Variants in DLGAP2 observed in about 807,000 individuals in gnomAD.
The protein encoded by DLGAP2 is DLG associated protein 2, also known as disks large-associated protein 2.
In DLGAP2, 26 loss-of-function variants were observed where a neutral mutation model predicts 100.3. The ratio of observed to expected loss-of-function variants is 0.26; its 90% CI spans 0.19 to 0.36. The LOEUF is 0.36. Among genes scored for constraint, DLGAP2 ranks in the 10% least tolerant of loss-of-function variants. The pLI, the probability that DLGAP2 is intolerant of heterozygous loss-of-function variation, is 1.00. For missense variants in DLGAP2, 1,858 were observed against 1,453.2 expected, an observed-to-expected ratio of 1.28 and a Z score of -4.53; for synonymous variants, 886 against 630.1, an observed-to-expected ratio of 1.41 and a Z score of -6.08.
chr8:738,264 C>G (rs1052549220), intron 1 of DLGAP2, among the ~76,000 whole-genome samples: 1 of 151,482 alleles, frequency 6.6e-6, no homozygotes, highest in Non-Finnish European at 1.5e-5. Flanking sequence ...CCCCTCCCCC[C>G]AAGCCCGGGT....
chr8:1,155,717 TC>T (rs1275174726), intron 2 of DLGAP2, among the ~76,000 whole-genome samples: 1 of 151,478 alleles, frequency 6.6e-6, no homozygotes, highest in African/African-American at 2.4e-5. Flanking sequence ...GCTTCTCACT[TC>T]CCCGTCCGCG....
intron 2 of DLGAP2, among the ~76,000 whole-genome samples, chr8:1,024,545 G>A (rs190478870): frequency 3.9e-5 from 6 of 152,272 alleles, no homozygotes; most frequent in African/African-American, 9.6e-5. Context: ...GCTTGGGGGC[G>A]GCTCTTCCCC....
chr8:1,363,059 C>G (rs1014286976), intron 3 of DLGAP2, among the ~76,000 whole-genome samples: 1 of 152,150 alleles, frequency 6.6e-6, no homozygotes, highest in Non-Finnish European at 1.5e-5. Flanking sequence ...AAAGAGAAGC[C>G]AAAAATCTGG....
chr8:1,018,725 T>G (rs1801543456), intron 2 of DLGAP2: 1 of 152,248 alleles, frequency 6.6e-6, no homozygotes, highest in African/African-American at 2.4e-5. Flanking sequence ...CCTTATCAAC[T>G]GGAAATATTT....
chr8:1,493,380 C>T (rs890229111), intron 3 of DLGAP2, among the ~76,000 whole-genome samples: 7 of 152,118 alleles, frequency 4.6e-5, no homozygotes, highest in Non-Finnish European at 8.8e-5. Context: ...CTCCGCAGCT[C>T]TGAGACGTGC....
At chr8:1,534,788 G>T (rs1801100653) in intron 4 of DLGAP2, among the ~76,000 whole-genome samples, 1 of 112,324 alleles carries the variant, frequency 8.9e-6, no homozygotes, top group Admixed American at 8.9e-5. Flanking sequence ...GTGTACGTGT[G>T]TGAGTGTAAG....
intron 3 of DLGAP2, among the ~76,000 whole-genome samples, chr8:1,453,333 C>T (rs887499186): frequency 1.3e-5 from 2 of 152,202 alleles, no homozygotes; most frequent in East Asian, 1.9e-4. Flanking sequence ...AAGTATTTTT[C>T]CTTCATCATA....
At chr8:1,423,778 G>A (rs879279044) in intron 3 of DLGAP2, among the ~76,000 whole-genome samples, 4 of 152,160 alleles carry the variant, frequency 2.6e-5, no homozygotes, top group African/African-American at 4.8e-5. Context: ...CAGGAGCAAC[G>A]GGCCCATGCA....
At chr8:1,640,704 G>A (rs958019277) in intron 8 of DLGAP2, among the ~76,000 whole-genome samples, 1 of 152,094 alleles carries the variant, frequency 6.6e-6, no homozygotes, top group African/African-American at 2.4e-5. Context: ...CCCCATTACG[G>A]GCCTGAGCAC....
chr8:1,410,880 C>T (rs1178059486), intron 3 of DLGAP2, among the ~76,000 whole-genome samples: 2 of 150,390 alleles, frequency 1.3e-5, no homozygotes, highest in East Asian at 2.0e-4. Flanking sequence ...TTGTCTTATC[C>T]AGGAAGGAAG....
Position 1,284,898 on chromosome 8 carries a change from T to G in DLGAP2, c.106+26015T>G, listed in dbSNP as rs529243245. Among the ~76,000 whole-genome samples the G allele has an allele frequency of 2.6e-5, 4 of 152,334 alleles. No individual in the cohort carries two copies. The East Asian group carries it at 7.7e-4, about 29-fold the overall frequency. Reference sequence around the variant, plus strand: ...TGAGCCAGAGCTTCTTTTCTCCTCATTCTTGACCTTCTGTGTTCCTTTACT... The same window carrying G: ...TGAGCCAGAGCTTCTTTTCTCCTCAGTCTTGACCTTCTGTGTTCCTTTACT... On this transcript the variant is annotated intron_variant, in intron 3 of 14. Transcript: ENST00000637795.
chr8:1,511,191 C>G (rs948999546), intron 4 of DLGAP2, among the ~76,000 whole-genome samples: 1 of 151,534 alleles, frequency 6.6e-6, no homozygotes, highest in Non-Finnish European at 1.5e-5. Flanking sequence ...TGACCATCTT[C>G]CATGGACGTA....
intron 2 of DLGAP2, among the ~76,000 whole-genome samples, chr8:1,109,058 A>G (rs1376245018): frequency 7.5e-5 from 7 of 93,566 alleles, no homozygotes; most frequent in African/African-American, 1.7e-4. Context: ...GTGCCTATGA[A>G]GTGTGCTGGG....
chr8:1,090,250 C>T (rs36026731), intron 2 of DLGAP2, among the ~76,000 whole-genome samples: 36,735 of 140,660 alleles, frequency 0.26, 4,735 homozygotes, highest in Admixed American at 0.27. Context: ...ACTCACACCC[C>T]GAGGACCTGC....
Position 1,703,860 on chromosome 8 carries a change from T to C in DLGAP2, c.*2454T>C, listed in dbSNP as rs1428534215. 1 of 152,646 alleles carries C rather than the reference T, an allele frequency of 6.6e-6. No individual in the cohort carries two copies. The highest frequency in any genetic ancestry group is 6.5e-5 in the Admixed American group (1 of 15,274). 9.5% of individuals were successfully genotyped at this position (152,646 alleles called of 1,614,324 possible). ...GGAGCAGATTAACCTACCACTACAT[T>C]GCACAGGGTTGGTGACTCGACGTGG... On this transcript the variant is annotated 3_prime_UTR_variant, in exon 15 of 15. Transcript: ENST00000637795.
At chr8:807,166 T>C (rs893625776) in intron 1 of DLGAP2, among the ~76,000 whole-genome samples, 2 of 152,254 alleles carry the variant, frequency 1.3e-5, no homozygotes, top group African/African-American at 4.8e-5. Context: ...ACATTTCATC[T>C]TCTCATCCTA....
chr8:1,446,073 T>C (rs1200651972), intron 3 of DLGAP2, among the ~76,000 whole-genome samples: 1 of 152,034 alleles, frequency 6.6e-6, no homozygotes, highest in Admixed American at 6.5e-5. Flanking sequence ...TTTCTTTTGC[T>C]GTGCAGAAGC....
At chr8:1,339,858 G>A (rs1159793980) in intron 3 of DLGAP2, among the ~76,000 whole-genome samples, 2 of 152,154 alleles carry the variant, frequency 1.3e-5, no homozygotes, top group African/African-American at 4.8e-5. Flanking sequence ...GATAAAAGGT[G>A]GAACTTATTT....
intron 3 of DLGAP2, among the ~76,000 whole-genome samples, chr8:1,422,306 G>T (rs1286688290): frequency 6.6e-6 from 1 of 152,122 alleles, no homozygotes. Flanking sequence ...TTCACAATAG[G>T]GAAGAAGTGC....
Sources: allele counts gnomAD v4.1 joint callset (sites outside exome capture counted in the v4.1 genomes callset), GRCh38; gene constraint gnomAD v4.1.1; transcripts MANE v1.5; gene names NCBI Gene and HGNC (gene_info 2026-07-23, HGNC 2026-07-21).